The following EXOC6 variants were observed in gnomAD, a reference collection of about 807,000 sequenced individuals.
The protein encoded by EXOC6 is SEC15-like 1.
Under a neutral mutation model 112.5 loss-of-function variants are expected in EXOC6, and 60 were observed. The observed-to-expected ratio is 0.53, with a 90% CI of 0.43 to 0.66. The LOEUF is 0.66. Among genes scored for constraint, EXOC6 ranks in the 30% least tolerant of loss-of-function variants. The pLI is 0.00. For missense variants in EXOC6, 855 were observed against 957.1 expected (o/e 0.89, Z 1.41); for synonymous variants, 295 against 308.0 (o/e 0.96, Z 0.44).
intron 1 of EXOC6, among the ~76,000 whole-genome samples, chr10:92,849,815 G>A (rs969683762): frequency 1.3e-5 from 2 of 152,146 alleles, no homozygotes. Context: ...TCTGGATCTC[G>A]GTTTCCTTAT....
At chr10:92,939,816 A>G (rs1271452866) in intron 12 of EXOC6, among the ~76,000 whole-genome samples, 1 of 152,150 alleles carries the variant, frequency 6.6e-6, no homozygotes, top group Non-Finnish European at 1.5e-5. Context: ...GAGGAATTTC[A>G]AGAAAGAGAT....
chr10:92,935,412 T>C (rs1282073564), intron 11 of EXOC6, among the ~76,000 whole-genome samples: 4 of 152,090 alleles, frequency 2.6e-5, no homozygotes, highest in Admixed American at 6.6e-5. Flanking sequence ...AAATTAATAA[T>C]TTTCTTTTGG....
intron 1 of EXOC6, among the ~76,000 whole-genome samples, chr10:92,883,896 T>C (rs1471821952): frequency 1.3e-5 from 2 of 152,102 alleles, no homozygotes; most frequent in African/African-American, 4.8e-5. Flanking sequence ...GTTCTTTTCT[T>C]TTCTTTTCTT....
chr10:92,868,568 T>G (rs973613877), intron 1 of EXOC6, among the ~76,000 whole-genome samples: 1 of 152,142 alleles, frequency 6.6e-6, no homozygotes, highest in African/African-American at 2.4e-5. Flanking sequence ...AATAAATTTC[T>G]CTAGTTCTAG....
intron 20 of EXOC6, among the ~76,000 whole-genome samples, chr10:93,019,210 G>T (rs1264705842): frequency 6.6e-6 from 1 of 152,012 alleles, no homozygotes; most frequent in East Asian, 1.9e-4. Context: ...GAACTCCAGG[G>T]CTCAAGCAAT....
At chr10:92,941,974 T>A (rs966317247) in intron 13 of EXOC6, among the ~76,000 whole-genome samples, 1 of 152,200 alleles carries the variant, frequency 6.6e-6, no homozygotes, top group Non-Finnish European at 1.5e-5. Flanking sequence ...CAAAATATGA[T>A]AGAAGTAATG....
At chr10:92,916,550 A>C (rs138324926) in intron 7 of EXOC6, among the ~76,000 whole-genome samples, 1 of 152,240 alleles carries the variant, frequency 6.6e-6, no homozygotes, top group East Asian at 1.9e-4. Context: ...TACAAGGTCA[A>C]TCCAAAACTG....
At chr10:92,929,240 C>G (rs1851888126) in intron 9 of EXOC6, among the ~76,000 whole-genome samples, 1 of 152,166 alleles carries the variant, frequency 6.6e-6, no homozygotes, top group Non-Finnish European at 1.5e-5. Flanking sequence ...GGAAAATTAC[C>G]TATCTCAAAT....
chr10:92,977,092 A>T (rs1842652580), intron 18 of EXOC6, among the ~76,000 whole-genome samples: 1 of 152,222 alleles, frequency 6.6e-6, no homozygotes, highest in African/African-American at 2.4e-5. Flanking sequence ...TAACCCATTT[A>T]TGCTGGAGGT....
chr10:92,978,883 G>T (rs556639426), intron 18 of EXOC6, among the ~76,000 whole-genome samples: 3 of 152,278 alleles, frequency 2.0e-5, no homozygotes, highest in Admixed American at 1.3e-4. Flanking sequence ...TGGTGGTTCT[G>T]GTTGGGCCCC....
intron 20 of EXOC6, among the ~76,000 whole-genome samples, chr10:93,020,629 A>G (rs1364228829): frequency 6.6e-6 from 1 of 152,136 alleles, no homozygotes. Context: ...GTTTAATTGG[A>G]CTGGCCTATT....
At chr10:92,833,989 A>G (rs1429682627), upstream of EXOC6, among the ~76,000 whole-genome samples, 1 of 151,914 alleles carries the variant, frequency 6.6e-6, no homozygotes, top group East Asian at 1.9e-4. Context: ...ATCAAAACCT[A>G]TTCTGCAGAA....
intron 17 of EXOC6, among the ~76,000 whole-genome samples, chr10:92,966,604 C>T (rs929397988): frequency 2.0e-5 from 3 of 151,456 alleles, no homozygotes; most frequent in Admixed American, 1.3e-4. Context: ...CATGTCCCTA[C>T]AAAGGACATG....
chr10:92,917,426 G>GAAA (rs11393322), intron 7 of EXOC6, among the ~76,000 whole-genome samples: 1 of 147,040 alleles, frequency 6.8e-6, no homozygotes, highest in Non-Finnish European at 1.5e-5. Context: ...TCTTTTAATG[G>GAAA]AAAAAAAAAA....
intron 19 of EXOC6, among the ~76,000 whole-genome samples, chr10:93,012,478 T>C (rs1243844787): frequency 6.6e-6 from 1 of 152,224 alleles, no homozygotes; most frequent in Non-Finnish European, 1.5e-5. Context: ...TTTAGAATTT[T>C]GTAAAATATG....
chr10:93,029,143 G>A (rs965769766), intron 20 of EXOC6, among the ~76,000 whole-genome samples: 3 of 152,168 alleles, frequency 2.0e-5, no homozygotes, highest in African/African-American at 7.2e-5. Flanking sequence ...ATTGCTACTG[G>A]CTGAAGGCTC....
intron 18 of EXOC6, among the ~76,000 whole-genome samples, chr10:92,983,824 T>C (rs1212261021): frequency 2.0e-5 from 3 of 152,120 alleles, no homozygotes; most frequent in Non-Finnish European, 2.9e-5. Flanking sequence ...TTATATAAAA[T>C]AGTTATACTG....
intron 1 of EXOC6, among the ~76,000 whole-genome samples, chr10:92,880,042 A>T (rs1385825798): frequency 6.6e-6 from 1 of 152,222 alleles, no homozygotes; most frequent in African/African-American, 2.4e-5. Context: ...TAGGTCGAGT[A>T]TGAGATTCAC....
chr10:93,022,451 C>G (rs1165446179), intron 20 of EXOC6, among the ~76,000 whole-genome samples: 3 of 151,998 alleles, frequency 2.0e-5, no homozygotes, highest in African/African-American at 7.2e-5. Flanking sequence ...TTTAATTTTT[C>G]TAGTTTTAAA....
Sources: allele counts gnomAD v4.1 joint callset (sites outside exome capture counted in the v4.1 genomes callset), GRCh38; gene constraint gnomAD v4.1.1; transcripts MANE v1.5; gene names NCBI Gene and HGNC (gene_info 2026-07-23, HGNC 2026-07-21).